CDKN2A: variants seen among roughly 807,000 people sequenced by gnomAD.
CDKN2A encodes the protein cyclin-dependent kinase inhibitor 2A.
In CDKN2A, 3 loss-of-function variants were observed where a neutral mutation model predicts 11.1. That is an observed-to-expected ratio of 0.27 (90% CI 0.12 to 0.70). The LOEUF (loss-of-function observed/expected upper bound fraction) is 0.70. Among genes scored for constraint, CDKN2A ranks in the 30% least tolerant of loss-of-function variants. The probability of loss-of-function intolerance (pLI) is 0.77; values close to 1 mark genes in which losing one functional copy is unlikely to be tolerated. For missense variants in CDKN2A, 265 were observed against 233.6 expected (o/e 1.13, Z -0.88); for synonymous variants, 122 against 108.1 (o/e 1.13, Z -0.80).
intron 1 of CDKN2A, among the ~76,000 whole-genome samples, chr9:21,973,605 C>G (rs189761176): frequency 1.3e-5 from 2 of 152,164 alleles, no homozygotes; most frequent in East Asian, 3.9e-4. Context: ...TCCCCTAACT[C>G]CCTCACAAAA....
chr9:21,971,748 T>G (rs543687375), intron 1 of CDKN2A, among the ~76,000 whole-genome samples: 1 of 152,184 alleles, frequency 6.6e-6, no homozygotes, highest in East Asian at 1.9e-4. Context: ...AGTTTTAAAA[T>G]TATATATTGG....
intron 2 of CDKN2A, chr9:21,989,539 T>C (rs551556093): frequency 4.6e-5 from 7 of 152,298 alleles, no homozygotes; most frequent in Non-Finnish European, 8.8e-5. Context: ...TTCAACACTC[T>C]TGGGTCTCCA....
upstream of CDKN2A, among the ~76,000 whole-genome samples, chr9:21,975,612 G>T (rs925292031): frequency 7.2e-5 from 11 of 152,170 alleles, no homozygotes; most frequent in African/African-American, 2.7e-4. Context: ...CTGGGGCAAG[G>T]GTTTCTCAGA....
rs995881157 is a variant in CDKN2A at position 21,971,011 on chromosome 9, G to A, written c.348C>T (p.Asp116=). 1 of 1,608,380 alleles carries A rather than the reference G, an allele frequency of 6.2e-7. No homozygotes were observed. The highest frequency in any genetic ancestry group is 8.5e-7 in the Non-Finnish European group (1 of 1,179,784). The change falls in exon 2 of 3, where the codon GAC becomes GAT. Residue 116 remains aspartate, a synonymous_variant. Coordinates refer to ENST00000304494, the MANE Select transcript of CDKN2A (RefSeq NM_000077.5). Reference sequence around the variant, plus strand: ...CGCGATGGCCCAGCTCCTCAGCCAGGTCCACGGGCAGACGGCCCCAGGCAT... The same window carrying A: ...CGCGATGGCCCAGCTCCTCAGCCAGATCCACGGGCAGACGGCCCCAGGCAT... ...VRDAWGRLPV[D]LAEELGHRDV...
chr9:21,984,414 G>A (rs1224015611), intron 2 of CDKN2A, among the ~76,000 whole-genome samples: 3 of 151,970 alleles, frequency 2.0e-5, no homozygotes, highest in East Asian at 1.9e-4. Flanking sequence ...AGGTACAATG[G>A]AGAAACTACA....
intron 2 of CDKN2A, among the ~76,000 whole-genome samples, chr9:21,983,355 T>A (rs1820238358): frequency 6.6e-6 from 1 of 152,108 alleles, no homozygotes; most frequent in South Asian, 2.1e-4. Context: ...TTGCTTAATC[T>A]TTACATTGTG....
chr9:21,975,068 T>A (rs1372703684), upstream of CDKN2A: 1 of 1,330,330 alleles, frequency 7.5e-7, no homozygotes, highest in Non-Finnish European at 9.6e-7. Context: ...ACTTAGCGAA[T>A]GTGGCACCCC....
At chr9:21,980,105 G>A (rs1820136766) in intron 2 of CDKN2A, among the ~76,000 whole-genome samples, 1 of 152,154 alleles carries the variant, frequency 6.6e-6, no homozygotes, top group Non-Finnish European at 1.5e-5. Flanking sequence ...TCTACACTGA[G>A]ACCAAGTGAC....
At chr9:21,971,415 A>C in intron 1 of CDKN2A, 1 of 1,434,184 alleles carries the variant, frequency 7.0e-7, no homozygotes, top group South Asian at 1.5e-5. Context: ...TATCCTCCGA[A>C]CTTCTGCGGA....
At chr9:21,986,544 C>G (rs182540543) in intron 2 of CDKN2A, among the ~76,000 whole-genome samples, 306 of 152,068 alleles carry the variant, frequency 2.0e-3, no homozygotes, top group Middle Eastern at 3.4e-3. Context: ...ATATGAATTA[C>G]TAGTCAATGA....
chr9:21,992,281 G>T, intron 2 of CDKN2A: 1 of 896,684 alleles, frequency 1.1e-6, no homozygotes, highest in Admixed American at 6.2e-5. Context: ...ATAGCCATGG[G>T]CATAAAATAT....
At chr9:21,972,541 A>G (rs566319859) in intron 1 of CDKN2A, among the ~76,000 whole-genome samples, 2 of 152,358 alleles carry the variant, frequency 1.3e-5, no homozygotes, top group East Asian at 3.8e-4. Context: ...AGTTTCCAAA[A>G]GGAATGAAAC....
intron 2 of CDKN2A, among the ~76,000 whole-genome samples, chr9:21,983,557 C>T (rs867933477): frequency 6.6e-6 from 1 of 151,992 alleles, no homozygotes; most frequent in African/African-American, 2.4e-5. Flanking sequence ...AATAGTATTG[C>T]AGTTTTTCAA....
upstream of CDKN2A, chr9:21,974,866 C>G (rs1377342993): frequency 6.7e-7 from 1 of 1,493,208 alleles, no homozygotes; most frequent in African/African-American, 1.4e-5. The surrounding 1 kb of genome is among the most constrained non-coding windows in gnomAD (Gnocchi z 5.2). Flanking sequence ...TCCCCCTCTC[C>G]GCAGCCGCCG....
intron 2 of CDKN2A, among the ~76,000 whole-genome samples, chr9:21,987,387 C>T (rs1421183108): frequency 1.4e-5 from 1 of 74,038 alleles, no homozygotes; most frequent in African/African-American, 4.3e-5. Flanking sequence ...GAAAGAAACC[C>T]CTTATTACAA....
chr9:21,994,508 TCACCCC>T (rs1402624602), intron 1 of CDKN2A: 5 of 1,223,768 alleles, frequency 4.1e-6, no homozygotes, highest in Non-Finnish European at 4.1e-6. Flanking sequence ...CCCCCCACCT[TCACCCC>T]CACCCCCACC....
rs1563888532 is a variant in CDKN2A, at chr9:21,970,909, AC to A, written c.449del (p.Gly150ValfsTer43). 6.2e-7 allele frequency: 1 copy of A among 1,611,934 alleles called. No individual in the cohort carries two copies. The highest frequency in any genetic ancestry group is 8.5e-7 in the Non-Finnish European group (1 of 1,179,998). ...CAGATCATCAGTCCTCACCTGAGGGACCTTCCGCGGCATCTATGCGGGCATG... is the reference window on the plus strand; with the variant it reads ...CAGATCATCAGTCCTCACCTGAGGGACTTCCGCGGCATCTATGCGGGCATG... ...SNHARIDAAE[G>X]PSDIPD On this transcript the variant is annotated frameshift_variant, in exon 2 of 3. Transcript: ENST00000304494. LOFTEE classifies it high-confidence loss of function.
Position 21,988,194 on chromosome 9 carries a change from C to T in CDKN2A, c.-4+5688G>A, listed in dbSNP as rs1820345370. On this transcript the variant is annotated intron_variant, in intron 2 of 3. Coordinates refer to the CDKN2A transcript ENST00000494262. This position sits in a 1 kb window ranked among gnomAD's most constrained non-coding sequence, Gnocchi z 4.1. ...TTTCTCTCTTAAAAAAATCCTACTG[C>T]CTTCACAACCATTTAAATAATTTAT... Among the ~76,000 whole-genome samples, 3 of 152,188 alleles carry T rather than the reference C, an allele frequency of 2.0e-5. No individual in the cohort carries two copies.
At chr9:21,981,056 G>A (rs1242679855) in intron 2 of CDKN2A, among the ~76,000 whole-genome samples, 1 of 38,078 alleles carries the variant, frequency 2.6e-5, no homozygotes, top group Admixed American at 2.8e-4. Flanking sequence ...ATATATATAC[G>A]TGTATATATA....
Sources: gnomAD v4.1 joint callset for allele counts (sites outside exome capture counted in the v4.1 genomes callset) on GRCh38, gnomAD v4.1.1 for gene constraint, Gnocchi (gnomAD v3.1) non-coding constraint, MANE v1.5 for transcripts, NCBI Gene and HGNC (gene_info 2026-07-23, HGNC 2026-07-21) for gene names.